Variants in GATAD2B observed in about 807,000 individuals in gnomAD.
GATAD2B encodes the protein transcriptional repressor p66-beta.
A neutral mutation model predicts 64.3 loss-of-function variants in GATAD2B; 8 were observed. The ratio of observed to expected loss-of-function variants is 0.12; its 90% CI spans 0.07 to 0.22. The LOEUF (loss-of-function observed/expected upper bound fraction) is 0.22, where lower values mean the gene tolerates loss of function less well. Ranked by LOEUF, GATAD2B falls within the 10% of genes least tolerant of loss-of-function variation. The pLI, the probability that GATAD2B is intolerant of heterozygous loss-of-function variation, is 1.00. For synonymous variants in GATAD2B, 281 were observed against 271.3 expected (o/e 1.04, Z -0.35); for missense variants, 453 against 752.0 (o/e 0.60, Z 4.65).
intron 2 of GATAD2B, among the ~76,000 whole-genome samples, chr1:153,824,905 G>A (rs551462379): frequency 6.6e-4 from 101 of 152,172 alleles, no homozygotes; most frequent in Non-Finnish European, 1.1e-3. Flanking sequence ...GTGACACAGC[G>A]AAACCTCGTC....
intron 1 of GATAD2B, among the ~76,000 whole-genome samples, chr1:153,860,628 A>T (rs11585416): frequency 0.3 from 45,078 of 151,844 alleles, 6,876 homozygotes; most frequent in Admixed American, 0.39. Flanking sequence ...ACTCACTGCC[A>T]CTGGTAGTTA....
chr1:153,832,713 T>C (rs1283059922), intron 1 of GATAD2B, among the ~76,000 whole-genome samples: 2 of 152,014 alleles, frequency 1.3e-5, no homozygotes, highest in African/African-American at 2.4e-5. Context: ...ATATACTGCA[T>C]AATGCTGGGG....
At chr1:153,852,282 T>C in intron 1 of GATAD2B, 1 of 1,174,088 alleles carries the variant, frequency 8.5e-7, no homozygotes, top group Non-Finnish European at 1.3e-6. Flanking sequence ...TTTCTGCAGC[T>C]GCCCCTTGCT....
chr1:153,907,067 C>A (rs1274705380), intron 1 of GATAD2B, among the ~76,000 whole-genome samples: 1 of 152,192 alleles, frequency 6.6e-6, no homozygotes, highest in Non-Finnish European at 1.5e-5. Context: ...GTAAATGATA[C>A]AGTTACTGTG....
At chr1:153,868,056 C>T (rs1273516814) in intron 1 of GATAD2B, among the ~76,000 whole-genome samples, 1 of 151,886 alleles carries the variant, frequency 6.6e-6, no homozygotes, top group Non-Finnish European at 1.5e-5. Flanking sequence ...CAAAAATTAG[C>T]CAGGCGTGGT....
intron 8 of GATAD2B, 57 bp from the exon 9 acceptor site, chr1:153,812,189 CCT>C (rs1674315749): frequency 2.7e-6 from 2 of 741,068 alleles, no homozygotes; most frequent in East Asian, 2.7e-5. Flanking sequence ...TACCCAATTT[CCT>C]TTTTTTTTTT....
rs113837235 is a variant in GATAD2B, at chr1:153,844,915, A to T, written c.-1-16567T>A. ...TACCCTAAAACTTAAAGTATAATAA[A>T]AAAAAAAAAGATTAACAGGCTTGCA... On this transcript the variant is annotated intron_variant, in intron 1 of 10. Coordinates refer to ENST00000368655, the MANE Select transcript of GATAD2B (RefSeq NM_020699.4). Among the ~76,000 whole-genome samples the T allele has an allele frequency of 2.9e-4, 44 of 152,034 alleles. 1 individual carries two copies. Among genetic ancestry groups the T allele is most frequent in the African/African-American group, 8.4e-4 (35 of 41,482 alleles).
At chr1:153,836,560 T>A (rs1306712314) in intron 1 of GATAD2B, among the ~76,000 whole-genome samples, 29 of 34,138 alleles carry the variant, frequency 8.5e-4, no homozygotes, top group African/African-American at 1.5e-3. Context: ...CTAAAAAAGT[T>A]AAAAAAAAAA....
At chr1:153,917,172 C>T (rs1485821729) in intron 1 of GATAD2B, among the ~76,000 whole-genome samples, 4 of 149,994 alleles carry the variant, frequency 2.7e-5, no homozygotes, top group African/African-American at 9.9e-5. Context: ...GATCTCAGCT[C>T]ACTGCAACCT....
chr1:153,831,790 G>GACAT (rs1345836562), intron 1 of GATAD2B, among the ~76,000 whole-genome samples: 1 of 152,182 alleles, frequency 6.6e-6, no homozygotes, highest in Non-Finnish European at 1.5e-5. Flanking sequence ...GCAGTAACTG[G>GACAT]ACATACCATG....
intron 2 of GATAD2B, among the ~76,000 whole-genome samples, chr1:153,821,252 G>C (rs1674674807): frequency 6.6e-6 from 1 of 151,864 alleles, no homozygotes; most frequent in Non-Finnish European, 1.5e-5. Flanking sequence ...CCAAAGTGTT[G>C]GAATTACAGG....
At chr1:153,882,049 G>A (rs1411341191) in intron 1 of GATAD2B, among the ~76,000 whole-genome samples, 1 of 152,090 alleles carries the variant, frequency 6.6e-6, no homozygotes, top group Non-Finnish European at 1.5e-5. Context: ...ACAGGAGGGA[G>A]GGAGAGAAAA....
chr1:153,912,563 C>A (rs1213777826), intron 1 of GATAD2B, among the ~76,000 whole-genome samples: 1 of 152,170 alleles, frequency 6.6e-6, no homozygotes, highest in African/African-American at 2.4e-5. Context: ...TCTGGCCAAC[C>A]TGTCCACGGC....
At chr1:153,824,692 T>C (rs1425861799) in intron 2 of GATAD2B, among the ~76,000 whole-genome samples, 1 of 145,464 alleles carries the variant, frequency 6.9e-6, no homozygotes, top group Admixed American at 7.0e-5. Context: ...ATCTGCAATA[T>C]AATACAATTC....
intron 6 of GATAD2B, 92 bp downstream of exon 6, chr1:153,817,280 T>A: frequency 8.3e-7 from 1 of 1,203,898 alleles, no homozygotes; most frequent in Non-Finnish European, 1.1e-6. Context: ...AGTTTATCTA[T>A]GTATAAAAAC....
At chr1:153,886,306 G>A (rs987380617) in intron 1 of GATAD2B, 1 of 152,052 alleles carries the variant, frequency 6.6e-6, no homozygotes, top group Non-Finnish European at 1.5e-5. Context: ...ATTGCTCCTA[G>A]GCTATAAACC....
rs964844455 is a variant in GATAD2B at position 153,810,069 on chromosome 1, C to T, written c.*108G>A. On this transcript the variant is annotated 3_prime_UTR_variant, in exon 11 of 11. Transcript: ENST00000368655. ...TCTTCTGTTTTTCTGTTTTGCTTTCCGTGTATGGTAGGCACCAGTACAGGC... is the reference window on the plus strand; with the variant it reads ...TCTTCTGTTTTTCTGTTTTGCTTTCTGTGTATGGTAGGCACCAGTACAGGC... 43 of 1,084,406 alleles carry T rather than the reference C, an allele frequency of 4.0e-5. No homozygotes were observed. Among genetic ancestry groups the T allele is most frequent in the Non-Finnish European group, 5.2e-5 (40 of 763,488 alleles). The allele number at this position is 1,084,406 out of a possible 1,614,324, so 67.2% of individuals were successfully genotyped here.
intron 1 of GATAD2B, among the ~76,000 whole-genome samples, chr1:153,888,549 C>G (rs545939609): frequency 3.3e-5 from 5 of 152,192 alleles, no homozygotes; most frequent in Non-Finnish European, 7.3e-5. Context: ...GCAGGGGGAC[C>G]AAGTTCTTTT....
chr1:153,828,555 A>C (rs1039559663), intron 1 of GATAD2B, among the ~76,000 whole-genome samples: 3 of 152,062 alleles, frequency 2.0e-5, no homozygotes, highest in Non-Finnish European at 4.4e-5. Flanking sequence ...ATATTAAAGG[A>C]GATTTCTGGG....
Sources: allele counts gnomAD v4.1 joint callset (sites outside exome capture counted in the v4.1 genomes callset), GRCh38; gene constraint gnomAD v4.1.1; transcripts MANE v1.5; gene names NCBI Gene and HGNC (gene_info 2026-07-23, HGNC 2026-07-21).